Variants in ADAMTS3 observed in about 807,000 individuals in gnomAD.
ADAMTS3 encodes A disintegrin and metalloproteinase with thrombospondin motifs 3.
Under a neutral mutation model 129.0 loss-of-function variants are expected in ADAMTS3, and 73 were observed. The observed-to-expected ratio is 0.57, with a 90% CI of 0.47 to 0.69. ADAMTS3 has a LOEUF of 0.69. ADAMTS3 is among the 30% of genes least tolerant of loss of function. ADAMTS3 has a pLI of 0.00. For missense variants in ADAMTS3, 1,457 were observed against 1,514.5 expected, an observed-to-expected ratio of 0.96 and a Z score of 0.63; for synonymous variants, 477 against 510.8, an observed-to-expected ratio of 0.93 and a Z score of 0.89.
At chr4:72,290,320 G>T (rs1021858335) in intron 20 of ADAMTS3, among the ~76,000 whole-genome samples, 4 of 152,178 alleles carry the variant, frequency 2.6e-5, no homozygotes, top group African/African-American at 9.7e-5. Context: ...AGGAGGAACT[G>T]CCAGGAAAGG....
chr4:72,398,966 C>T (rs1721799566), intron 4 of ADAMTS3, among the ~76,000 whole-genome samples: 3 of 152,192 alleles, frequency 2.0e-5, no homozygotes, highest in Non-Finnish European at 2.9e-5. Flanking sequence ...TAATTTTCAT[C>T]TACAAATTGC....
chr4:72,350,469 C>T (rs568823303), intron 4 of ADAMTS3, among the ~76,000 whole-genome samples: 7 of 152,094 alleles, frequency 4.6e-5, no homozygotes, highest in South Asian at 2.1e-4. Context: ...GGCTTCTCTG[C>T]GTAGTCAGTA....
At chr4:72,454,423 G>A (rs1433525100) in intron 3 of ADAMTS3, among the ~76,000 whole-genome samples, 1 of 151,710 alleles carries the variant, frequency 6.6e-6, no homozygotes, top group Non-Finnish European at 1.5e-5. Flanking sequence ...CCCACACCAA[G>A]TGTAAACTGC....
At chr4:72,454,373 G>A (rs893295872) in intron 3 of ADAMTS3, among the ~76,000 whole-genome samples, 6 of 151,620 alleles carry the variant, frequency 4.0e-5, no homozygotes, top group African/African-American at 1.5e-4. Context: ...ATAATAATTT[G>A]TGTAAGTAAA....
chr4:72,509,472 A>G (rs565230653), intron 3 of ADAMTS3, among the ~76,000 whole-genome samples: 118 of 150,394 alleles, frequency 7.8e-4, no homozygotes, highest in African/African-American at 2.7e-3. Context: ...AGGATCATTA[A>G]TGGCTGCCAT....
At chr4:72,373,700 A>G (rs1256917669) in intron 4 of ADAMTS3, among the ~76,000 whole-genome samples, 1 of 151,998 alleles carries the variant, frequency 6.6e-6, no homozygotes, top group Non-Finnish European at 1.5e-5. Flanking sequence ...GATGTTTGAG[A>G]CCAGCCTGGG....
At chr4:72,319,727 C>T in intron 8 of ADAMTS3, 131 bp downstream of exon 8, 2 of 835,166 alleles carry the variant, frequency 2.4e-6, no homozygotes, top group Non-Finnish European at 3.8e-6. Context: ...TCTCTGTTTG[C>T]AGCTCTTCAC....
At chr4:72,471,511 A>G (rs1407297761) in intron 3 of ADAMTS3, among the ~76,000 whole-genome samples, 1 of 152,150 alleles carries the variant, frequency 6.6e-6, no homozygotes, top group Non-Finnish European at 1.5e-5. Flanking sequence ...CTCATTATAT[A>G]AAAAGCATTT....
intron 3 of ADAMTS3, among the ~76,000 whole-genome samples, chr4:72,420,968 G>A (rs1258941887): frequency 1.3e-5 from 2 of 152,184 alleles, no homozygotes; most frequent in African/African-American, 4.8e-5. Flanking sequence ...ATGGATTTGG[G>A]ATACATCTTC....
At chr4:72,402,031 T>C (rs912590191) in intron 4 of ADAMTS3, among the ~76,000 whole-genome samples, 1 of 152,250 alleles carries the variant, frequency 6.6e-6, no homozygotes, top group African/African-American at 2.4e-5. Flanking sequence ...ATCAAGGTAA[T>C]ATATCACTAT....
In ADAMTS3 at chr4:72,554,542, C is replaced by T. The variant is rs1440482077; in HGVS notation, c.98-5658G>A. Among the ~76,000 whole-genome samples the T allele has an allele frequency of 3.3e-5, 5 of 152,004 alleles. 1 individual carries two copies. Among genetic ancestry groups the T allele is most frequent in the African/African-American group, 9.7e-5 (4 of 41,282 alleles). On this transcript the variant is annotated intron_variant, in intron 2 of 21. Coordinates refer to ENST00000286657, the MANE Select transcript of ADAMTS3 (RefSeq NM_014243.3). ...CCTATTTGGCTTGCCCTCCTGACTTCGCTATTTCTGTTCATGATGTGCTGA... is the reference window on the plus strand; with the variant it reads ...CCTATTTGGCTTGCCCTCCTGACTTTGCTATTTCTGTTCATGATGTGCTGA...
At chr4:72,356,442 T>A (rs1280726720) in intron 4 of ADAMTS3, among the ~76,000 whole-genome samples, 1 of 151,942 alleles carries the variant, frequency 6.6e-6, no homozygotes, top group East Asian at 1.9e-4. Flanking sequence ...GATTTTGTAT[T>A]TGTGAGTTCA....
intron 3 of ADAMTS3, among the ~76,000 whole-genome samples, chr4:72,502,849 C>G (rs1471470386): frequency 1.3e-5 from 2 of 152,088 alleles, no homozygotes; most frequent in East Asian, 1.9e-4. Flanking sequence ...AGGTACTCCT[C>G]CTAACGTTAT....
intron 3 of ADAMTS3, among the ~76,000 whole-genome samples, chr4:72,473,635 TTGTGA>T (rs1373195002): frequency 1.3e-5 from 2 of 151,412 alleles, no homozygotes; most frequent in Non-Finnish European, 2.9e-5. Flanking sequence ...CTTGTCAAGA[TTGTGA>T]TGAGTCATCC....
intron 3 of ADAMTS3, among the ~76,000 whole-genome samples, chr4:72,525,140 T>C (rs958343559): frequency 6.6e-6 from 1 of 152,156 alleles, no homozygotes; most frequent in Non-Finnish European, 1.5e-5. Flanking sequence ...ACCTGTTAGG[T>C]GCACTCACAG....
intron 3 of ADAMTS3, among the ~76,000 whole-genome samples, chr4:72,519,379 T>C (rs1425904047): frequency 1.3e-5 from 2 of 152,220 alleles, no homozygotes; most frequent in Non-Finnish European, 2.9e-5. Context: ...ATCTGAATGT[T>C]GGCCTGCCTT....
chr4:72,286,555 C>T (rs1013922655), intron 21 of ADAMTS3, among the ~76,000 whole-genome samples: 6 of 152,112 alleles, frequency 3.9e-5, no homozygotes, highest in Non-Finnish European at 8.8e-5. Flanking sequence ...AGTGCTTTGC[C>T]AATTTTCTTG....
chr4:72,477,509 A>C (rs1719273849), intron 3 of ADAMTS3, among the ~76,000 whole-genome samples: 1 of 151,588 alleles, frequency 6.6e-6, no homozygotes, highest in South Asian at 2.1e-4. Flanking sequence ...AAAAGACACA[A>C]CATACCAGAA....
At chr4:72,434,415 T>C (rs982418571) in intron 3 of ADAMTS3, among the ~76,000 whole-genome samples, 16 of 151,828 alleles carry the variant, frequency 1.1e-4, no homozygotes, top group Non-Finnish European at 1.6e-4. Context: ...TAACTGATGT[T>C]CTTTTTACTC....
Sources: allele counts gnomAD v4.1 joint callset (sites outside exome capture counted in the v4.1 genomes callset), GRCh38; gene constraint gnomAD v4.1.1; transcripts MANE v1.5; gene names NCBI Gene and HGNC (gene_info 2026-07-23, HGNC 2026-07-21).